Variants in LRGUK observed in about 807,000 individuals in gnomAD.
The protein encoded by LRGUK is leucine rich repeats and guanylate kinase domain containing, also known as leucine-rich repeat and guanylate kinase domain-containing protein.
In LRGUK, 65 loss-of-function variants were observed where a neutral mutation model predicts 76.0. The observed-to-expected ratio is 0.85, with a 90% confidence interval of 0.70 to 1.05. The LOEUF is 1.05. Ranked by LOEUF, LRGUK falls within the 50% of genes least tolerant of loss-of-function variation. The pLI, the probability that LRGUK is intolerant of heterozygous loss-of-function variation, is 0.00. For missense variants in LRGUK, 758 were observed against 732.8 expected (o/e 1.03, Z -0.40); for synonymous variants, 268 against 265.6 (o/e 1.01, Z -0.09).
At chr7:134,251,222 G>A (rs1206493160) in intron 18 of LRGUK, among the ~76,000 whole-genome samples, 1 of 152,142 alleles carries the variant, frequency 6.6e-6, no homozygotes, top group Admixed American at 6.5e-5. Flanking sequence ...TTGGAGTAGG[G>A]TGGGCTCCTA....
At chr7:134,265,068 G>A (rs558433614), downstream of LRGUK, among the ~76,000 whole-genome samples, 15 of 152,176 alleles carry the variant, frequency 9.9e-5, no homozygotes, top group African/African-American at 2.9e-4. Flanking sequence ...AGGGTGGAGC[G>A]GGGGGACCAT....
chr7:134,264,815 T>G (rs1585615218), downstream of LRGUK, among the ~76,000 whole-genome samples: 1 of 152,360 alleles, frequency 6.6e-6, no homozygotes, highest in South Asian at 2.1e-4. Flanking sequence ...GTCTTTTCTC[T>G]GAGTACTCTG....
At chr7:134,273,959 T>G in the LRGUK span, among the ~76,000 whole-genome samples, 2 of 152,212 alleles carry the variant, frequency 1.3e-5, no homozygotes, top group Non-Finnish European at 2.9e-5. Flanking sequence ...TGGTCTGCAT[T>G]TATTTTAAAT....
chr7:134,166,818 T>G (rs936310275), intron 7 of LRGUK, among the ~76,000 whole-genome samples: 1 of 152,216 alleles, frequency 6.6e-6, no homozygotes, highest in Non-Finnish European at 1.5e-5. Flanking sequence ...CAAAGACAGA[T>G]GCCATTTAAT....
At chr7:134,247,475 C>T in intron 16 of LRGUK, 81 bp from the exon 17 acceptor site, 7 of 1,017,412 alleles carry the variant, frequency 6.9e-6, no homozygotes, top group Non-Finnish European at 1.1e-5. Context: ...ATCTCTAGTA[C>T]CAAAGAGAAT....
chr7:134,156,894 G>A (rs775986471), intron 5 of LRGUK, among the ~76,000 whole-genome samples: 1 of 152,162 alleles, frequency 6.6e-6, no homozygotes, highest in Non-Finnish European at 1.5e-5. Flanking sequence ...CAAAAAAATG[G>A]CAGGTCTTGG....
chr7:134,274,250 G>A, the LRGUK span, among the ~76,000 whole-genome samples: 6 of 151,988 alleles, frequency 3.9e-5, no homozygotes, highest in African/African-American at 1.4e-4. Context: ...AATTATAAAG[G>A]GTTTATCATT....
chr7:134,184,603 G>A (rs1411142494), intron 11 of LRGUK, among the ~76,000 whole-genome samples: 1 of 152,064 alleles, frequency 6.6e-6, no homozygotes, highest in Non-Finnish European at 1.5e-5. Flanking sequence ...CAAGCAGACA[G>A]TAAACATACA....
chr7:134,189,736 C>T (rs1164565204), intron 11 of LRGUK, among the ~76,000 whole-genome samples: 1 of 152,176 alleles, frequency 6.6e-6, no homozygotes, highest in Non-Finnish European at 1.5e-5. Context: ...TCAAGGACAC[C>T]AATAGACAGA....
At chr7:134,263,766 G>T (rs1027420186) in intron 19 of LRGUK, 79 bp from the exon 20 acceptor site, 1 of 1,358,324 alleles carries the variant, frequency 7.4e-7, no homozygotes. Flanking sequence ...TTGTTCTGGT[G>T]CTTATATCAT....
intron 11 of LRGUK, among the ~76,000 whole-genome samples, chr7:134,185,433 C>T (rs919779925): frequency 6.6e-6 from 1 of 151,730 alleles, no homozygotes; most frequent in Non-Finnish European, 1.5e-5. Context: ...TGTTGGCGCA[C>T]ACCTGTAATC....
intron 1 of LRGUK, 29 bp downstream of exon 1, chr7:134,127,693 C>G: frequency 6.3e-7 from 1 of 1,589,964 alleles, no homozygotes; most frequent in Non-Finnish European, 8.6e-7. Flanking sequence ...CCCGTACTCC[C>G]TGGCTCCCTC....
chr7:134,129,210 C>T (rs1425152210), intron 1 of LRGUK, among the ~76,000 whole-genome samples: 3 of 129,116 alleles, frequency 2.3e-5, no homozygotes, highest in Non-Finnish European at 4.9e-5. Context: ...CCCTTCCTTC[C>T]TGCCTCCCCC....
chr7:134,236,451 CTG>C (rs1454835346), intron 16 of LRGUK, among the ~76,000 whole-genome samples: 1 of 152,168 alleles, frequency 6.6e-6, no homozygotes, highest in Non-Finnish European at 1.5e-5. Flanking sequence ...TTAAAGGACT[CTG>C]TTTAGACTGT....
chr7:134,163,182 T>C (rs1798823451), intron 6 of LRGUK, among the ~76,000 whole-genome samples: 1 of 152,204 alleles, frequency 6.6e-6, no homozygotes, highest in Non-Finnish European at 1.5e-5. Flanking sequence ...AAATATTATA[T>C]TCTGAATTTT....
At chr7:134,156,314 T>C (rs1798456768) in intron 5 of LRGUK, among the ~76,000 whole-genome samples, 1 of 152,204 alleles carries the variant, frequency 6.6e-6, no homozygotes, top group Admixed American at 6.5e-5. Flanking sequence ...TCATTTTTAA[T>C]GTATTCTAGG....
intron 6 of LRGUK, among the ~76,000 whole-genome samples, chr7:134,163,149 T>C (rs891442000): frequency 1.3e-5 from 2 of 152,230 alleles, no homozygotes; most frequent in Non-Finnish European, 2.9e-5. Context: ...ATTTGAATAC[T>C]CATCTTGCTT....
At chr7:134,257,256 T>A (rs1260798139) in intron 18 of LRGUK, among the ~76,000 whole-genome samples, 1 of 152,230 alleles carries the variant, frequency 6.6e-6, no homozygotes, top group Non-Finnish European at 1.5e-5. Flanking sequence ...ATATCAGCCA[T>A]TTTCGTGTGA....
At chr7:134,187,112 T>C (rs1336907783) in intron 11 of LRGUK, among the ~76,000 whole-genome samples, 4 of 152,096 alleles carry the variant, frequency 2.6e-5, no homozygotes, top group African/African-American at 9.7e-5. Flanking sequence ...ATTAGATAGC[T>C]AGTTACTTTA....
Sources: allele counts gnomAD v4.1 joint callset (sites outside exome capture counted in the v4.1 genomes callset), GRCh38; gene constraint gnomAD v4.1.1; transcripts MANE v1.5; gene names NCBI Gene and HGNC (gene_info 2026-07-23, HGNC 2026-07-21).